Variants in PRG4 observed in about 807,000 individuals in gnomAD.
PRG4 encodes the protein articular superficial zone protein.
A neutral mutation model predicts 91.2 loss-of-function variants in PRG4; 61 were observed. The ratio of observed to expected loss-of-function variants is 0.67; its 90% confidence interval spans 0.54 to 0.83. PRG4 has a LOEUF of 0.83. PRG4 is among the 40% of genes least tolerant of loss of function. The probability of loss-of-function intolerance (pLI) is 0.00; values close to 1 mark genes in which losing one functional copy is unlikely to be tolerated. For synonymous variants in PRG4, 576 were observed against 614.2 expected (o/e 0.94, Z 0.92); for missense variants, 1,564 against 1,714.2 (o/e 0.91, Z 1.55).
In PRG4 at chr1:186,306,489, C is replaced by A. The variant is rs1656574478; in HGVS notation, c.770C>A (p.Pro257Gln). 1 of 1,613,476 alleles carries A rather than the reference C, an allele frequency of 6.2e-7. No homozygotes were observed. The highest frequency in any genetic ancestry group is 1.3e-5 in the African/African-American group (1 of 74,816). The change falls in exon 7 of 13, where the codon CCA becomes CAA. Residue 257 changes from proline to glutamine, a missense_variant. Transcript: ENST00000445192. ...TCTCCCAAGATCACAACAGCAAAAC[C>A]AATAAATCCCAGACCCAGTCTTCCA... is the stretch of plus-strand genomic sequence containing the variant. ...STSPKITTAK[P>Q]INPRPSLPPN...
At position 186,309,805 on chromosome 1, in the gene PRG4, T is replaced by A. The variant is rs547722493; in HGVS notation, c.3434T>A (p.Ile1145Lys). ...INPMLSDETNICNGKPVDGLT... is the reference protein window; with the variant it reads ...INPMLSDETNKCNGKPVDGLT... ...TTAATTTGTTTAGATGAGACCAATATATGCAATGGTAAGCCAGTAGATGGA... is the reference window on the plus strand; with the variant it reads ...TTAATTTGTTTAGATGAGACCAATAAATGCAATGGTAAGCCAGTAGATGGA... Residue 1145 changes from isoleucine (I) to lysine (K), a missense_variant, in exon 8 of 13, where the codon ATA (isoleucine) becomes AAA (lysine). Ile to Lys is a moderately radical substitution (Grantham distance 102). Transcript: ENST00000445192. 3 of 1,612,712 alleles carry A rather than the reference T, an allele frequency of 1.9e-6. No homozygotes were observed. The highest frequency in any genetic ancestry group is 4.5e-5 in the East Asian group (2 of 44,842).
chr1:186,300,199 G>C lies in PRG4; in HGVS notation c.185G>C (p.Arg62Thr), dbSNP rs151088367. The C allele has an allele frequency of 7.4e-6, 12 of 1,614,120 alleles. No individual in the cohort carries two copies. Among genetic ancestry groups the C allele is most frequent in the Non-Finnish European group, 9.3e-6 (11 of 1,180,026 alleles). ...HYMECCPDFK[R>T]VCTAELSCKG... Reference sequence around the variant, plus strand: ...ATGGAGTGCTGCCCTGATTTCAAGAGAGTCTGCACTGCGGGTAAGTCCTGA... The same window carrying C: ...ATGGAGTGCTGCCCTGATTTCAAGACAGTCTGCACTGCGGGTAAGTCCTGA... Residue 62 changes from arginine to threonine, a missense_variant, in exon 3 of 13, where the codon AGA (arginine) becomes ACA (threonine). This residue lies in a region of PRG4 where 437 missense variants were observed against 459.0 expected (regional missense o/e 0.95). Transcript: ENST00000445192.
In PRG4 at chr1:186,299,235, C is replaced by A. The variant is rs145397625; in HGVS notation, c.77-856C>A. On this transcript the variant is annotated intron_variant, in intron 2 of 12. Coordinates refer to ENST00000445192, the MANE Select transcript of PRG4 (RefSeq NM_005807.6). ...TGCTTATTTGTTGCCTGGAAAACCT[C>A]TGTTCATGACCTTTATAGTTATGCC... is the stretch of plus-strand genomic sequence containing the variant. 1.7e-3 allele frequency among the ~76,000 whole-genome samples: 254 copies of A among 152,354 alleles called. 1 individual carries two copies. The highest frequency in any genetic ancestry group is 5.9e-3 in the African/African-American group (246 of 41,586).
At chr1:186,305,560 T>C (rs556873175) in intron 6 of PRG4, among the ~76,000 whole-genome samples, 20 of 152,314 alleles carry the variant, frequency 1.3e-4, no homozygotes, top group African/African-American at 4.8e-4. Flanking sequence ...ACTGGATTTT[T>C]GGATAAGGGA....
At chr1:186,297,686 T>C (rs896602190) in intron 2 of PRG4, among the ~76,000 whole-genome samples, 2 of 152,244 alleles carry the variant, frequency 1.3e-5, no homozygotes, top group African/African-American at 4.8e-5. Flanking sequence ...ATTTTTCTTT[T>C]CTTTTCTTTT....
rs79706370 is a variant in PRG4 at position 186,306,475 on chromosome 1, C to T, written c.756C>T (p.Ile252=). Reference sequence around the variant, plus strand: ...ATAAAGTCAGCACATCTCCCAAGATCACAACAGCAAAACCAATAAATCCCA... The same window carrying T: ...ATAAAGTCAGCACATCTCCCAAGATTACAACAGCAAAACCAATAAATCCCA... ...QHNKVSTSPK[I]TTAKPINPRP... The change falls in exon 7 of 13, where the codon ATC becomes ATT. Residue 252 remains isoleucine (I), a synonymous_variant. Coordinates refer to ENST00000445192, the MANE Select transcript of PRG4 (RefSeq NM_005807.6). 5.4e-4 allele frequency: 873 copies of T among 1,613,726 alleles called. 5 individuals carry two copies. In the African/African-American group the frequency reaches 0.011, roughly 20 times the overall value.
rs185241575 is a variant in PRG4, at chr1:186,309,654, T to C, written c.3422-139T>C. ...AATGGAATTATCAAGTATATAACTA[T>C]GCAAACAGGTCAAACTGTGTCCTTC... On this transcript the variant is annotated intron_variant, in intron 7 of 12. Transcript: ENST00000445192. The C allele has an allele frequency of 1.3e-5, 9 of 688,622 alleles. No individual in the cohort carries two copies. In the East Asian group the frequency reaches 1.9e-4, roughly 15 times the overall value. The allele number at this position is 688,622 out of a possible 1,614,324, so 42.7% of individuals were successfully genotyped here.
chr1:186,312,329 C>A lies in PRG4; in HGVS notation c.3948C>A (p.Ile1316=), dbSNP rs751716097. ...TAGGACCTTCTCAAACACACACCAT[C>A]AGAATTCAATATTCACCTGCCAGAC... ...RAIGPSQTHT[I]RIQYSPARLA... Residue 1316 remains isoleucine (I), a synonymous_variant, in exon 11 of 13, where the codon ATC becomes ATA. Transcript: ENST00000445192. The A allele has an allele frequency of 1.2e-6, 2 of 1,610,376 alleles. No individual in the cohort carries two copies. The highest frequency in any genetic ancestry group is 3.4e-5 in the Admixed American group (2 of 59,284).
intron 8 of PRG4, 81 bp downstream of exon 8, chr1:186,309,951 GT>G (rs1657057183): frequency 8.4e-7 from 1 of 1,195,254 alleles, no homozygotes; most frequent in Admixed American, 1.7e-5. Flanking sequence ...AAGAGTGCTA[GT>G]TTGGGTTGTT....
At position 186,301,668 on chromosome 1, in the gene PRG4, G is replaced by A. The variant is rs116639905; in HGVS notation, c.276G>A (p.Lys92=). 29 of 1,613,912 alleles carry A rather than the reference G, an allele frequency of 1.8e-5. No individual in the cohort carries two copies. In the African/African-American group the frequency reaches 3.3e-4, roughly 19 times the overall value. The change falls in exon 4 of 13, where the codon AAG becomes AAA. Residue 92 remains lysine (K), a synonymous_variant. Coordinates refer to ENST00000445192, the MANE Select transcript of PRG4 (RefSeq NM_005807.6). ...RECDCDAQCK[K]YDKCCPDYES... ...GTGACTGCGACGCCCAATGTAAGAA[G>A]TATGACAAGTGCTGTCCCGATTATG...
In PRG4 at chr1:186,308,777, A is replaced by G; in HGVS notation, c.3058A>G (p.Lys1020Glu). Residue 1020 changes from lysine (K) to glutamate (E), a missense_variant, in exon 7 of 13, where the codon AAA becomes GAA. Physicochemically the swap from Lys to Glu is moderately conservative, Grantham distance 56. Around this residue, in one of 3 missense-constraint regions of PRG4, gnomAD observed 1,079 missense variants for 1,162.2 expected, o/e 0.93. Coordinates refer to ENST00000445192, the MANE Select transcript of PRG4 (RefSeq NM_005807.6). The part of the protein sequence containing the change: ...RATNSKATTP[K>E]PQKPTKAPKK... ...TACTAATTCTAAAGCGACAACTCCT[A>G]AACCTCAAAAGCCAACCAAAGCACC... The G allele has an allele frequency of 6.2e-7, 1 of 1,613,956 alleles. No individual in the cohort carries two copies. Among genetic ancestry groups the G allele is most frequent in the Non-Finnish European group, 8.5e-7 (1 of 1,180,010 alleles).
Position 186,312,902 on chromosome 1 carries a change from A to G in PRG4, c.4117+8A>G. On this transcript the variant is annotated splice_region_variant and intron_variant, in intron 12 of 12. Coordinates refer to ENST00000445192, the MANE Select transcript of PRG4 (RefSeq NM_005807.6). ...ACTATGCCTTTTCTAAAGGTAAGGT[A>G]TTAACTAACAGTTTCCCAAGGAGGT... 1.9e-6 allele frequency: 3 copies of G among 1,609,506 alleles called. No individual in the cohort carries two copies. Among genetic ancestry groups the G allele is most frequent in the East Asian group, 4.5e-5 (2 of 44,824 alleles).
chr1:186,298,717 C>T (rs1422961376), intron 2 of PRG4, among the ~76,000 whole-genome samples: 1 of 151,968 alleles, frequency 6.6e-6, no homozygotes, highest in Non-Finnish European at 1.5e-5. Flanking sequence ...TCTCACCTGA[C>T]CTCAGGTGAT....
rs746583527 is a variant in PRG4, at chr1:186,310,657, A to ATTTTTTTT, written c.3500-375_3500-368dup. On this transcript the variant is annotated intron_variant, in intron 8 of 12. Transcript: ENST00000445192. ...ACCACCATGCCTGGCTAATTTTTGT[A>ATTTTTTTT]TTTTTTTTTGTATTTTTTTTTTTTT... is the stretch of plus-strand genomic sequence containing the variant. 2.3e-4 allele frequency among the ~76,000 whole-genome samples: 31 copies of ATTTTTTTT among 135,918 alleles called. 1 individual carries two copies. The highest frequency in any genetic ancestry group is 6.7e-4 in the African/African-American group (23 of 34,234). The allele number at this position is 135,918 out of a possible 152,430, so 89.2% of individuals were successfully genotyped here.
chr1:186,305,354 A>G (rs952712988), intron 6 of PRG4, among the ~76,000 whole-genome samples: 8 of 152,212 alleles, frequency 5.3e-5, no homozygotes, highest in Non-Finnish European at 1.5e-5. Flanking sequence ...ACAAACCTCT[A>G]TGGAAAAAAT....
chr1:186,306,711 C>A lies in PRG4; in HGVS notation c.992C>A (p.Pro331His). 1 of 1,613,736 alleles carries A rather than the reference C, an allele frequency of 6.2e-7. No homozygotes were observed. Among genetic ancestry groups the A allele is most frequent in the Non-Finnish European group, 8.5e-7 (1 of 1,179,772 alleles). ...LAPTSKVLAK[P>H]TPKAETTTKG... ...CCCACATCTAAAGTGCTGGCTAAACCTACACCCAAAGCTGAAACTACAACC... is the reference window on the plus strand; with the variant it reads ...CCCACATCTAAAGTGCTGGCTAAACATACACCCAAAGCTGAAACTACAACC... The change falls in exon 7 of 13, where the codon CCT (proline) becomes CAT (histidine). Residue 331 changes from proline to histidine, a missense_variant. This residue lies in a region of PRG4 where 437 missense variants were observed against 459.0 expected (regional missense o/e 0.95). Transcript: ENST00000445192.
chr1:186,297,312 A>G (rs933423269), intron 2 of PRG4, among the ~76,000 whole-genome samples: 2 of 152,202 alleles, frequency 1.3e-5, no homozygotes, highest in Non-Finnish European at 2.9e-5. Flanking sequence ...ATTTTTGCCT[A>G]TATGTTGAAC....
chr1:186,309,718 G>A, intron 7 of PRG4, 75 bp from the exon 8 acceptor site: 7 of 1,117,186 alleles, frequency 6.3e-6, no homozygotes, highest in Non-Finnish European at 8.2e-6. Flanking sequence ...AGAACCATGT[G>A]GAAAGACTTG....
chr1:186,313,948 AGTT>A lies in PRG4; in HGVS notation c.*174_*176del, dbSNP rs1435670139. The A allele has an allele frequency of 1.2e-5, 19 of 1,607,088 alleles. No homozygotes were observed. The highest frequency in any genetic ancestry group is 1.7e-5 in the Admixed American group (1 of 59,884). ...AAACAGATTTGATAATCTTATTCAC[AGTT>A]GTTATTGTTTACAGACCATTTAATT... On this transcript the variant is annotated 3_prime_UTR_variant, in exon 13 of 13. Transcript: ENST00000445192.
Sources: gnomAD v4.1 joint callset for allele counts (sites outside exome capture counted in the v4.1 genomes callset) on GRCh38, gnomAD v4.1.1 for gene constraint, gnomAD v4.1.1 regional missense constraint, MANE v1.5 for transcripts, NCBI Gene and HGNC (gene_info 2026-07-23, HGNC 2026-07-21) for gene names.